Variants in CSGALNACT1 observed in about 807,000 individuals in gnomAD.
The protein encoded by CSGALNACT1 is chondroitin sulfate N-acetylgalactosaminyltransferase 1.
In CSGALNACT1, 52 loss-of-function variants were observed where a neutral mutation model predicts 51.0. The ratio of observed to expected loss-of-function variants is 1.02; its 90% confidence interval spans 0.82 to 1.29. The LOEUF is 1.29. Among genes scored for constraint, CSGALNACT1 ranks in the 50% most tolerant of loss-of-function variants. The probability of loss-of-function intolerance (pLI) is 0.00; values close to 1 mark genes in which losing one functional copy is unlikely to be tolerated. For synonymous variants in CSGALNACT1, 341 were observed against 254.4 expected, an observed-to-expected ratio of 1.34 and a Z score of -3.24; for missense variants, 935 against 679.2, an observed-to-expected ratio of 1.38 and a Z score of -4.19.
intron 3 of CSGALNACT1, among the ~76,000 whole-genome samples, chr8:19,578,932 G>T (rs532025026): frequency 6.6e-6 from 1 of 152,016 alleles, no homozygotes; most frequent in Non-Finnish European, 1.5e-5. Context: ...TTCTTGCTAC[G>T]TTGACCACGC....
Position 19,416,087 on chromosome 8 carries a change from CTTA to C in CSGALNACT1, c.1227+2566_1227+2568del, listed in dbSNP as rs553670366. Among the ~76,000 whole-genome samples the C allele has an allele frequency of 5.3e-4, 78 of 147,114 alleles. 1 individual carries two copies. The highest frequency in any genetic ancestry group is 6.6e-4 in the Non-Finnish European group (44 of 67,056). On this transcript the variant is annotated intron_variant, in intron 8 of 9. Transcript: ENST00000454498. ...TGATCACCCAGGAAGGCAAGGTTAACTTATTATTAAAGAAATGAAAACTTTTTT... is the reference window on the plus strand; with the variant it reads ...TGATCACCCAGGAAGGCAAGGTTAACTTATTAAAGAAATGAAAACTTTTTT...
At chr8:19,501,169 G>A (rs1047127341) in intron 4 of CSGALNACT1, among the ~76,000 whole-genome samples, 13 of 143,824 alleles carry the variant, frequency 9.0e-5, no homozygotes, top group South Asian at 2.2e-4. Context: ...AGAATCCCCC[G>A]AAACTGGGAG....
chr8:19,565,071 C>T (rs773998348), intron 3 of CSGALNACT1, among the ~76,000 whole-genome samples: 1 of 152,252 alleles, frequency 6.6e-6, no homozygotes, highest in South Asian at 2.1e-4. Context: ...ACAAATTTGG[C>T]CGAAGTTTGA....
chr8:19,598,460 T>C (rs947461268), intron 2 of CSGALNACT1, among the ~76,000 whole-genome samples: 11 of 152,368 alleles, frequency 7.2e-5, no homozygotes, highest in African/African-American at 2.4e-4. Context: ...AAGGCCACTT[T>C]ATAAAATCCA....
intron 7 of CSGALNACT1, among the ~76,000 whole-genome samples, chr8:19,420,135 C>A (rs901779263): frequency 2.0e-5 from 3 of 152,194 alleles, no homozygotes; most frequent in Admixed American, 2.0e-4. Flanking sequence ...AAACCTCTTT[C>A]CTTTATAAAT....
intron 3 of CSGALNACT1, among the ~76,000 whole-genome samples, chr8:19,590,325 A>C (rs1340780488): frequency 1.3e-5 from 2 of 152,246 alleles, no homozygotes; most frequent in Non-Finnish European, 2.9e-5. Flanking sequence ...AGAACGTAGT[A>C]ATAGTAGACA....
intron 1 of CSGALNACT1, among the ~76,000 whole-genome samples, chr8:19,695,713 G>C (rs6992467): frequency 0.32 from 48,020 of 152,074 alleles, 7,725 homozygotes; most frequent in Middle Eastern, 0.43. Flanking sequence ...GGGTAATTTA[G>C]AAAGGCCTCC....
chr8:19,445,800 A>G (rs1186285611), intron 5 of CSGALNACT1, among the ~76,000 whole-genome samples: 1 of 152,210 alleles, frequency 6.6e-6, no homozygotes, highest in African/African-American at 2.4e-5. Context: ...AGTAAACTCC[A>G]TCCACTGGAA....
At chr8:19,666,256 T>C (rs2059163860) in intron 1 of CSGALNACT1, among the ~76,000 whole-genome samples, 1 of 151,846 alleles carries the variant, frequency 6.6e-6, no homozygotes, top group African/African-American at 2.4e-5. Flanking sequence ...TGTAGGGAAA[T>C]TAAAACCATC....
chr8:19,705,249 T>C (rs1053868198), intron 1 of CSGALNACT1, among the ~76,000 whole-genome samples: 1 of 152,228 alleles, frequency 6.6e-6, no homozygotes, highest in African/African-American at 2.4e-5. Flanking sequence ...TCAGTAATTC[T>C]ACCTTAAGGA....
At chr8:19,651,994 G>C (rs921205484) in intron 1 of CSGALNACT1, among the ~76,000 whole-genome samples, 1 of 151,650 alleles carries the variant, frequency 6.6e-6, no homozygotes, top group Non-Finnish European at 1.5e-5. Flanking sequence ...ACAGTGGCGT[G>C]ATCTCCGCTC....
chr8:19,667,710 G>C (rs2059492486), intron 1 of CSGALNACT1, among the ~76,000 whole-genome samples: 1 of 152,106 alleles, frequency 6.6e-6, no homozygotes, highest in Non-Finnish European at 1.5e-5. Context: ...AGCTGCAAAG[G>C]TCATTTGCTG....
intron 3 of CSGALNACT1, among the ~76,000 whole-genome samples, chr8:19,518,466 C>T (rs1190506542): frequency 6.6e-6 from 1 of 152,182 alleles, no homozygotes; most frequent in Non-Finnish European, 1.5e-5. Context: ...GACCAACCTT[C>T]CCCACACACT....
chr8:19,578,750 A>G (rs915814810), intron 3 of CSGALNACT1, among the ~76,000 whole-genome samples: 3 of 151,968 alleles, frequency 2.0e-5, no homozygotes, highest in African/African-American at 4.8e-5. Context: ...ACTCAGTCTG[A>G]CCTTCTGACG....
intron 3 of CSGALNACT1, among the ~76,000 whole-genome samples, chr8:19,583,530 C>A (rs755274911): frequency 6.6e-6 from 1 of 152,170 alleles, no homozygotes; most frequent in Non-Finnish European, 1.5e-5. Context: ...TCATTTGATT[C>A]CATTCTAACT....
intron 3 of CSGALNACT1, among the ~76,000 whole-genome samples, chr8:19,534,462 A>T (rs1184087812): frequency 6.6e-6 from 1 of 152,090 alleles, no homozygotes. Flanking sequence ...AGAAAAAAAA[A>T]ATCTGTGTAA....
intron 8 of CSGALNACT1, among the ~76,000 whole-genome samples, chr8:19,410,559 G>C (rs1353704155): frequency 6.6e-6 from 1 of 152,162 alleles, no homozygotes; most frequent in East Asian, 1.9e-4. Flanking sequence ...GCTCCGAACA[G>C]GAAAAACAAT....
chr8:19,612,878 G>C (rs1018430513), intron 1 of CSGALNACT1, among the ~76,000 whole-genome samples: 1 of 133,028 alleles, frequency 7.5e-6, no homozygotes, highest in African/African-American at 2.8e-5. Flanking sequence ...AAATAAGGCA[G>C]TTGTAAACCA....
chr8:19,643,241 A>G (rs1193109274), intron 1 of CSGALNACT1, among the ~76,000 whole-genome samples: 1 of 152,248 alleles, frequency 6.6e-6, no homozygotes. Flanking sequence ...ATAACCAACT[A>G]GGACAATGCT....
Sources: gnomAD v4.1 joint callset for allele counts (sites outside exome capture counted in the v4.1 genomes callset) on GRCh38, gnomAD v4.1.1 for gene constraint, MANE v1.5 for transcripts, NCBI Gene and HGNC (gene_info 2026-07-23, HGNC 2026-07-21) for gene names.